Variants in TENM3 observed in about 807,000 individuals in gnomAD.
TENM3 encodes the protein teneurin-3.
In TENM3, 63 loss-of-function variants were observed where a neutral mutation model predicts 255.1. That is an observed-to-expected ratio of 0.25 (90% CI 0.20 to 0.30). The LOEUF (loss-of-function observed/expected upper bound fraction) is 0.30. TENM3 is among the 10% of genes least tolerant of loss of function. TENM3 has a pLI of 1.00. For synonymous variants in TENM3, 1,306 were observed against 1,322.3 expected, an observed-to-expected ratio of 0.99 and a Z score of 0.27; for missense variants, 2,929 against 3,461.1, an observed-to-expected ratio of 0.85 and a Z score of 3.86.
rs749703754 is a variant in TENM3 at position 182,743,251 on chromosome 4, G to A, written c.3461G>A (p.Arg1154Gln). Residue 1154 changes from arginine (R) to glutamine (Q), a missense_variant, in exon 19 of 28, where the codon CGA (arginine) becomes CAA (glutamine). By Grantham distance (43) the Arg-to-Gln change is conservative. Around this residue, in one of 6 missense-constraint regions of TENM3, gnomAD observed 1,608 missense variants for 1,884.4 expected, o/e 0.85. Transcript: ENST00000511685. ...GTGAGTAGCATCATGGGCAATGGGCGAAGGCGCAGCATTTCCTGCCCCAGT... is the reference window on the plus strand; with the variant it reads ...GTGAGTAGCATCATGGGCAATGGGCAAAGGCGCAGCATTTCCTGCCCCAGT... ...PVVSSIMGNGRRRSISCPSCN... is the reference protein window; with the variant it reads ...PVVSSIMGNGQRRSISCPSCN... The A allele has an allele frequency of 4.3e-6, 7 of 1,613,922 alleles. No homozygotes were observed. Among genetic ancestry groups the A allele is most frequent in the Non-Finnish European group, 5.9e-6 (7 of 1,179,896 alleles).
At chr4:182,029,354 C>T in the TENM3 span, among the ~76,000 whole-genome samples, 1 of 152,162 alleles carries the variant, frequency 6.6e-6, no homozygotes, top group East Asian at 1.9e-4. Context: ...CAAGGACACA[C>T]ATCCAAACTA....
chr4:182,430,029 G>A (rs935770103), intron 3 of TENM3, among the ~76,000 whole-genome samples: 3 of 152,156 alleles, frequency 2.0e-5, no homozygotes, highest in African/African-American at 7.2e-5. Context: ...TCTGACTCCT[G>A]CGTCTGTGGT....
the TENM3 span, chr4:182,079,970 A>G: frequency 1.3e-5 from 2 of 152,284 alleles, no homozygotes; most frequent in Admixed American, 6.5e-5. Flanking sequence ...AGCTTCACGC[A>G]ACTTCACTGT....
chr4:182,071,581 G>A, the TENM3 span, among the ~76,000 whole-genome samples: 19 of 151,886 alleles, frequency 1.3e-4, no homozygotes, highest in African/African-American at 4.1e-4. Context: ...AAGCAGCTGG[G>A]ATTACAGGTG....
chr4:182,534,887 A>G (rs913791933), intron 3 of TENM3, among the ~76,000 whole-genome samples: 1 of 152,220 alleles, frequency 6.6e-6, no homozygotes, highest in Non-Finnish European at 1.5e-5. Context: ...ACAGTGCTTT[A>G]TTCTTAGAGA....
At chr4:181,874,127 C>T in the TENM3 span, among the ~76,000 whole-genome samples, 1 of 152,000 alleles carries the variant, frequency 6.6e-6, no homozygotes, top group African/African-American at 2.4e-5. Context: ...CCATGCTGGC[C>T]AGGCTGGTCT....
At chr4:181,887,158 A>G in the TENM3 span, among the ~76,000 whole-genome samples, 1 of 151,596 alleles carries the variant, frequency 6.6e-6, no homozygotes, top group African/African-American at 2.4e-5. Flanking sequence ...GAAACACTAG[A>G]AAAAAAAATG....
At chr4:181,833,292 C>T in the TENM3 span, among the ~76,000 whole-genome samples, 2 of 152,068 alleles carry the variant, frequency 1.3e-5, no homozygotes, top group Non-Finnish European at 1.5e-5. Context: ...GCTGTCAAAT[C>T]TCTACCCTCC....
At chr4:182,282,828 G>T (rs994929149) in intron 1 of TENM3, among the ~76,000 whole-genome samples, 2 of 149,750 alleles carry the variant, frequency 1.3e-5, no homozygotes, top group African/African-American at 2.5e-5. Context: ...AGGAGACAAA[G>T]GTTGTGGTGA....
the TENM3 span, among the ~76,000 whole-genome samples, chr4:181,778,915 A>G: frequency 3.3e-5 from 5 of 152,096 alleles, no homozygotes; most frequent in Non-Finnish European, 7.4e-5. Flanking sequence ...TGAAATGAGG[A>G]TTTATAATAG....
At chr4:182,336,684 A>G (rs1764160393) in intron 2 of TENM3, among the ~76,000 whole-genome samples, 1 of 152,172 alleles carries the variant, frequency 6.6e-6, no homozygotes, top group African/African-American at 2.4e-5. Context: ...GGTGAACTTC[A>G]GATATGGTGT....
chr4:182,380,395 G>A (rs1767484309), intron 3 of TENM3, among the ~76,000 whole-genome samples: 1 of 152,204 alleles, frequency 6.6e-6, no homozygotes, highest in Non-Finnish European at 1.5e-5. Flanking sequence ...ACTGACATGA[G>A]ACCAGAAACT....
At chr4:182,113,693 A>G in the TENM3 span, among the ~76,000 whole-genome samples, 1 of 152,030 alleles carries the variant, frequency 6.6e-6, no homozygotes, top group Non-Finnish European at 1.5e-5. Context: ...GTGGTGGGAG[A>G]AGTGTGGGGG....
rs1277840073 is a variant in TENM3 at position 182,802,794 on chromosome 4, G to T, written c.*2443G>T. ...GACCTTTTTCTAAGAGTTGGGAGGGGGTGGGGGACTGTATAATGAAAAGAA... is the reference window on the plus strand; with the variant it reads ...GACCTTTTTCTAAGAGTTGGGAGGGTGTGGGGGACTGTATAATGAAAAGAA... On this transcript the variant is annotated 3_prime_UTR_variant, in exon 28 of 28. Coordinates refer to ENST00000511685, the MANE Select transcript of TENM3 (RefSeq NM_001080477.4). 6.6e-6 allele frequency: 1 copy of T among 152,324 alleles called. No individual in the cohort carries two copies. The highest frequency in any genetic ancestry group is 1.9e-4 in the East Asian group (1 of 5,190). The allele number at this position is 152,324 out of a possible 1,614,324, so 9.4% of individuals were successfully genotyped here.
intron 1 of TENM3, among the ~76,000 whole-genome samples, chr4:182,286,918 C>A (rs1760771406): frequency 6.6e-6 from 1 of 152,176 alleles, no homozygotes; most frequent in Non-Finnish European, 1.5e-5. Context: ...TCTTCAGTGA[C>A]TGCCCACTGC....
chr4:182,802,792 G>C lies in TENM3; in HGVS notation c.*2441G>C. The C allele has an allele frequency of 6.6e-6, 1 of 152,448 alleles. No homozygotes were observed. The highest frequency in any genetic ancestry group is 1.9e-4 in the East Asian group (1 of 5,190). The allele number at this position is 152,448 out of a possible 1,614,324, so 9.4% of individuals were successfully genotyped here. The stretch of plus-strand genomic sequence containing the variant: ...AAGACCTTTTTCTAAGAGTTGGGAG[G>C]GGGTGGGGGACTGTATAATGAAAAG... On this transcript the variant is annotated 3_prime_UTR_variant, in exon 28 of 28. Coordinates refer to ENST00000511685, the MANE Select transcript of TENM3 (RefSeq NM_001080477.4).
At chr4:182,197,840 C>A (rs1298850790) in intron 1 of TENM3, among the ~76,000 whole-genome samples, 1 of 152,354 alleles carries the variant, frequency 6.6e-6, no homozygotes. Flanking sequence ...CTCAGTGGCT[C>A]ACGCCTGTAA....
intron 3 of TENM3, among the ~76,000 whole-genome samples, chr4:182,414,946 T>C (rs557116733): frequency 6.6e-6 from 1 of 152,368 alleles, no homozygotes; most frequent in African/African-American, 2.4e-5. Context: ...AAAACAATTT[T>C]CAGCTCTTCA....
the TENM3 span, among the ~76,000 whole-genome samples, chr4:182,096,129 C>CAAAA: frequency 8.4e-5 from 11 of 130,562 alleles, no homozygotes; most frequent in African/African-American, 2.9e-4. Context: ...GACCCTGTCT[C>CAAAA]AAAAAAAAAA....
Sources: allele counts gnomAD v4.1 joint callset (sites outside exome capture counted in the v4.1 genomes callset), GRCh38; gene constraint gnomAD v4.1.1; regional missense constraint gnomAD v4.1.1; transcripts MANE v1.5; gene names NCBI Gene and HGNC (gene_info 2026-07-23, HGNC 2026-07-21).